The following CCDC171 variants were observed in gnomAD, a reference collection of about 807,000 sequenced individuals.
CCDC171 encodes coiled-coil domain-containing protein 171.
CCDC171 carries 177 observed loss-of-function variants against 168.2 expected under a neutral mutation model. The observed-to-expected ratio is 1.05, with a 90% CI of 0.93 to 1.19. The LOEUF (loss-of-function observed/expected upper bound fraction) is 1.19, where lower values mean the gene tolerates loss of function less well. Ranked by LOEUF, CCDC171 falls within the 50% of genes most tolerant of loss-of-function variation. The probability of loss-of-function intolerance (pLI) is 0.00; values close to 1 mark genes in which losing one functional copy is unlikely to be tolerated. For missense variants in CCDC171, 1,991 were observed against 1,539.0 expected, an observed-to-expected ratio of 1.29 and a Z score of -4.91; for synonymous variants, 687 against 540.8, an observed-to-expected ratio of 1.27 and a Z score of -3.75.
intron 24 of CCDC171, among the ~76,000 whole-genome samples, chr9:15,904,746 G>T (rs1339430280): frequency 6.6e-6 from 1 of 152,062 alleles, no homozygotes; most frequent in East Asian, 1.9e-4. Context: ...AAAGAGTCAA[G>T]ACCCATCAGT....
In CCDC171 at chr9:15,744,684, T is replaced by C. The variant is rs2055143529; in HGVS notation, c.2461T>C (p.Cys821Arg). The C allele has an allele frequency of 1.2e-6, 2 of 1,614,172 alleles. No individual in the cohort carries two copies. Among genetic ancestry groups the C allele is most frequent in the South Asian group, 2.2e-5 (2 of 91,086 alleles). ...CAGACTCAAGATTTTGGGCCAATCATGTGCCTCTCTTTTTACCTGGATGGA... is the reference window on the plus strand; with the variant it reads ...CAGACTCAAGATTTTGGGCCAATCACGTGCCTCTCTTTTTACCTGGATGGA... ...ANRLKILGQS[C>R]ASLFTWMESF... Residue 821 changes from cysteine to arginine, a missense_variant, in exon 17 of 26, where the codon TGT (cysteine) becomes CGT (arginine). Coordinates refer to ENST00000380701, the MANE Select transcript of CCDC171 (RefSeq NM_173550.4).
chr9:15,607,457 A>C (rs1404047633), intron 6 of CCDC171, among the ~76,000 whole-genome samples: 1 of 151,442 alleles, frequency 6.6e-6, no homozygotes, highest in East Asian at 1.9e-4. Context: ...TCAAACTTAT[A>C]TTTTTCACTT....
chr9:15,599,360 T>G (rs1054034671), intron 6 of CCDC171, among the ~76,000 whole-genome samples: 1 of 152,180 alleles, frequency 6.6e-6, no homozygotes, highest in Non-Finnish European at 1.5e-5. Flanking sequence ...ACCAAATCTC[T>G]CAGCATTTGC....
downstream of CCDC171, among the ~76,000 whole-genome samples, chr9:16,063,519 G>A (rs371266198): frequency 9.9e-5 from 15 of 152,236 alleles, no homozygotes; most frequent in African/African-American, 3.6e-4. Context: ...GAAGTTGGGG[G>A]GTTTTAGTAT....
chr9:15,564,549 T>G, intron 2 of CCDC171, among the ~76,000 whole-genome samples: 1 of 152,282 alleles, frequency 6.6e-6, no homozygotes, highest in East Asian at 1.9e-4. Flanking sequence ...TTAGCTCCTG[T>G]TGCTGTTTCG....
At chr9:15,945,171 T>C (rs1270222881) in intron 25 of CCDC171, among the ~76,000 whole-genome samples, 1 of 150,308 alleles carries the variant, frequency 6.7e-6, no homozygotes, top group African/African-American at 2.4e-5. Flanking sequence ...AGAATGATGA[T>C]TTCCAATTTC....
chr9:16,025,868 AC>A (rs1268118360), intron 6 of CCDC171, among the ~76,000 whole-genome samples: 1 of 152,180 alleles, frequency 6.6e-6, no homozygotes, highest in Non-Finnish European at 1.5e-5. Context: ...CTAGATAATA[AC>A]AGTGGTTGCA....
At chr9:15,703,523 G>C (rs1279777068) in intron 11 of CCDC171, among the ~76,000 whole-genome samples, 1 of 151,980 alleles carries the variant, frequency 6.6e-6, no homozygotes, top group Non-Finnish European at 1.5e-5. Flanking sequence ...TTGTCTTTCT[G>C]TGCCAGGCTT....
intron 25 of CCDC171, among the ~76,000 whole-genome samples, chr9:15,936,303 C>CA (rs978397494): frequency 8.0e-5 from 12 of 150,672 alleles, no homozygotes; most frequent in South Asian, 2.1e-4. Flanking sequence ...CACCAAGCCA[C>CA]AAAAAAAAAG....
intron 6 of CCDC171, among the ~76,000 whole-genome samples, chr9:15,609,930 G>T (rs1402233802): frequency 6.6e-6 from 1 of 152,078 alleles, no homozygotes; most frequent in African/African-American, 2.4e-5. Flanking sequence ...TTGACATAAA[G>T]TTGACATCCT....
At chr9:15,905,118 CAG>C (rs1343160900) in intron 24 of CCDC171, among the ~76,000 whole-genome samples, 4 of 152,214 alleles carry the variant, frequency 2.6e-5, no homozygotes, top group African/African-American at 7.2e-5. Context: ...ATCAACGAGA[CAG>C]AAAGTTAACA....
intron 6 of CCDC171, among the ~76,000 whole-genome samples, chr9:15,608,428 A>G (rs890969986): frequency 6.6e-6 from 1 of 152,138 alleles, no homozygotes; most frequent in Non-Finnish European, 1.5e-5. Context: ...TGGGTGTAAC[A>G]ATTTCAAAGA....
intron 9 of CCDC171, among the ~76,000 whole-genome samples, chr9:15,672,775 CAGAT>C (rs1173257886): frequency 6.6e-6 from 1 of 152,202 alleles, no homozygotes. Flanking sequence ...AGTTTAAAGT[CAGAT>C]AGCGTGATGC....
intron 1 of CCDC171, among the ~76,000 whole-genome samples, chr9:15,554,862 A>G (rs1220456236): frequency 6.6e-6 from 1 of 152,150 alleles, no homozygotes; most frequent in African/African-American, 2.4e-5. Flanking sequence ...TATCTGTGAA[A>G]TGTGCATAAT....
downstream of CCDC171, among the ~76,000 whole-genome samples, chr9:15,976,860 C>T (rs927437796): frequency 6.6e-6 from 1 of 151,742 alleles, no homozygotes; most frequent in Admixed American, 6.6e-5. Flanking sequence ...ATAATTTTTC[C>T]TGATGGTTTA....
intron 24 of CCDC171, among the ~76,000 whole-genome samples, chr9:15,877,867 A>G (rs1347685821): frequency 2.0e-5 from 3 of 152,182 alleles, no homozygotes; most frequent in Non-Finnish European, 4.4e-5. Flanking sequence ...ACTGGCAAAT[A>G]TTAGTAGGCA....
chr9:15,873,825 C>T (rs984377088), intron 23 of CCDC171, among the ~76,000 whole-genome samples: 2 of 151,982 alleles, frequency 1.3e-5, no homozygotes, highest in Non-Finnish European at 2.9e-5. Context: ...GGTGTTTTTC[C>T]CATATCGGTG....
intron 3 of CCDC171, among the ~76,000 whole-genome samples, chr9:15,991,379 G>A (rs201304987): frequency 0.044 from 6,380 of 143,782 alleles, 635 homozygotes; most frequent in African/African-American, 0.18. Context: ...CTTTGAAACC[G>A]ATGAGAACAA....
chr9:15,913,520 C>G (rs912379210), intron 24 of CCDC171, among the ~76,000 whole-genome samples: 1 of 152,264 alleles, frequency 6.6e-6, no homozygotes, highest in Non-Finnish European at 1.5e-5. Flanking sequence ...TTTTGTGTCT[C>G]TATCTCCTTC....
Sources: gnomAD v4.1 joint callset for allele counts (sites outside exome capture counted in the v4.1 genomes callset) on GRCh38, gnomAD v4.1.1 for gene constraint, MANE v1.5 for transcripts, NCBI Gene and HGNC (gene_info 2026-07-23, HGNC 2026-07-21) for gene names.